OR14I1: variants seen among roughly 807,000 people sequenced by gnomAD.
OR14I1 encodes olfactory receptor 14I1.
For missense variants in OR14I1, 279 were observed against 181.8 expected (o/e 1.53, Z -3.07); for synonymous variants, 118 against 71.1 (o/e 1.66, Z -3.32).
At chr1:248,687,864 TATAG>T in the OR14I1 span, among the ~76,000 whole-genome samples, 1 of 152,248 alleles carries the variant, frequency 6.6e-6, no homozygotes, top group Non-Finnish European at 1.5e-5. Context: ...TACATCCAGA[TATAG>T]ATAGACATGT....
chr1:248,702,135 C>T, the OR14I1 span, among the ~76,000 whole-genome samples: 1 of 152,206 alleles, frequency 6.6e-6, no homozygotes, highest in East Asian at 1.9e-4. Flanking sequence ...GGTCACCTCA[C>T]ACCAGGCCCC....
upstream of OR14I1, among the ~76,000 whole-genome samples, chr1:248,686,060 T>C (rs2103135528): frequency 6.6e-6 from 1 of 152,288 alleles, no homozygotes; most frequent in South Asian, 2.1e-4. Flanking sequence ...CATATACATA[T>C]GTGCATCATT....
the OR14I1 span, among the ~76,000 whole-genome samples, chr1:248,691,220 T>G: frequency 3.9e-5 from 6 of 152,210 alleles, no homozygotes; most frequent in African/African-American, 1.4e-4. Flanking sequence ...AAGGGACCCT[T>G]CATTCATTCA....
downstream of OR14I1, among the ~76,000 whole-genome samples, chr1:248,678,820 A>G (rs1661516437): frequency 6.6e-6 from 1 of 151,766 alleles, no homozygotes; most frequent in Admixed American, 6.6e-5. Context: ...GGGAAAGAAG[A>G]TAACAGCAAG....
chr1:248,691,213 G>A, the OR14I1 span, among the ~76,000 whole-genome samples: 4 of 152,168 alleles, frequency 2.6e-5, no homozygotes, highest in Non-Finnish European at 4.4e-5. Flanking sequence ...TAGGTAGAAG[G>A]GACCCTTCAT....
At chr1:248,686,044 C>T (rs943733011), upstream of OR14I1, among the ~76,000 whole-genome samples, 6 of 151,982 alleles carry the variant, frequency 3.9e-5, no homozygotes, top group African/African-American at 9.7e-5. Context: ...AGACACAATA[C>T]ATTTTCATAT....
chr1:248,702,676 T>C, the OR14I1 span, among the ~76,000 whole-genome samples: 1 of 152,136 alleles, frequency 6.6e-6, no homozygotes, highest in Non-Finnish European at 1.5e-5. Flanking sequence ...GTACTGCCTC[T>C]GCTCAAAATC....
chr1:248,682,076 GCA>G lies in OR14I1; in HGVS notation c.227_228del (p.Val76AlafsTer2), dbSNP rs752538253. The G allele has an allele frequency of 1.3e-6, 1 of 781,092 alleles. No homozygotes were observed. The highest frequency in any genetic ancestry group is 2.4e-5 in the East Asian group (1 of 41,258). 48.4% of individuals were successfully genotyped at this position (781,092 alleles called of 1,614,324 possible). A position where few individuals can be genotyped will look rare whatever the true frequency, so the allele number is the denominator to read the frequency against. On this transcript the variant is annotated frameshift_variant, in exon 1 of 1. Coordinates refer to ENST00000342623, the Ensembl canonical transcript of OR14I1. LOFTEE classifies it low-confidence loss of function (END_TRUNC). ...GTCAGGGAGTTACGGATGGATTTAG[GCA>G]CAGTGACTGAGATGTAGCACAGATC...
chr1:248,694,658 C>G, the OR14I1 span, among the ~76,000 whole-genome samples: 10 of 152,118 alleles, frequency 6.6e-5, no homozygotes, highest in Admixed American at 5.9e-4. Context: ...ATCTATCTAA[C>G]CATGAGAATT....
chr1:248,694,855 TA>T, the OR14I1 span, among the ~76,000 whole-genome samples: 3 of 152,246 alleles, frequency 2.0e-5, no homozygotes, highest in Admixed American at 6.5e-5. Context: ...ATTGCAATTT[TA>T]ATTTACATTC....
downstream of OR14I1, among the ~76,000 whole-genome samples, chr1:248,679,866 T>G (rs907930539): frequency 7.9e-5 from 12 of 152,218 alleles, no homozygotes; most frequent in African/African-American, 2.9e-4. Context: ...GCAAATTATC[T>G]TATAGTTTCA....
the OR14I1 span, among the ~76,000 whole-genome samples, chr1:248,690,509 C>T: frequency 6.6e-6 from 1 of 151,258 alleles, no homozygotes; most frequent in Admixed American, 6.6e-5. Context: ...GACACATACA[C>T]CCTCCCAAGA....
At chr1:248,687,609 G>C in the OR14I1 span, among the ~76,000 whole-genome samples, 1 of 152,138 alleles carries the variant, frequency 6.6e-6, no homozygotes, top group Non-Finnish European at 1.5e-5. Context: ...AAAAACTTAA[G>C]ACAAATTAAA....
chr1:248,681,462 G>A, exon 1 of OR14I1: 1 of 780,968 alleles, frequency 1.3e-6, no homozygotes, highest in Non-Finnish European at 2.4e-6. Flanking sequence ...GATTGAGGAA[G>A]GGAGGCAAAA....
At chr1:248,680,967 C>CGTGCGTGT (rs1553277283), downstream of OR14I1, among the ~76,000 whole-genome samples, 2 of 147,108 alleles carry the variant, frequency 1.4e-5, no homozygotes, top group Non-Finnish European at 3.0e-5. Context: ...AAACTGTGTG[C>CGTGCGTGT]GTGTGTGTGT....
chr1:248,681,285 A>G (rs773588953), downstream of OR14I1: 9 of 581,902 alleles, frequency 1.5e-5, no homozygotes, highest in Non-Finnish European at 2.1e-5. Flanking sequence ...TTCATCAACA[A>G]TTTTTTCATC....
chr1:248,684,362 T>C (rs1335341305), upstream of OR14I1, among the ~76,000 whole-genome samples: 1 of 152,270 alleles, frequency 6.6e-6, no homozygotes, highest in Non-Finnish European at 1.5e-5. Context: ...CGAAGCTCTT[T>C]GCTGCTGCTT....
chr1:248,691,169 G>A, the OR14I1 span, among the ~76,000 whole-genome samples: 1 of 152,186 alleles, frequency 6.6e-6, no homozygotes, highest in Non-Finnish European at 1.5e-5. Context: ...ACAGCAGTTG[G>A]GTAACAGGAA....
At chr1:248,690,600 C>CA in the OR14I1 span, among the ~76,000 whole-genome samples, 440 of 51,504 alleles carry the variant, frequency 8.5e-3, 38 homozygotes, top group African/African-American at 0.016. Flanking sequence ...GTCTACCAAC[C>CA]AAAAAAAAAA....
Sources: allele counts gnomAD v4.1 joint callset (sites outside exome capture counted in the v4.1 genomes callset), GRCh38; gene constraint gnomAD v4.1.1; transcripts MANE v1.5; gene names NCBI Gene and HGNC (gene_info 2026-07-23, HGNC 2026-07-21).